WWOX: variants seen among roughly 807,000 people sequenced by gnomAD.
WWOX encodes WW domain-containing oxidoreductase.
A neutral mutation model predicts 46.2 loss-of-function variants in WWOX; 69 were observed. The observed-to-expected ratio is 1.49, with a 90% CI of 1.23 to 1.82. The LOEUF (loss-of-function observed/expected upper bound fraction) is 1.82. WWOX is among the 40% of genes most tolerant of loss of function. The probability of loss-of-function intolerance (pLI) is 0.00; values close to 1 mark genes in which losing one functional copy is unlikely to be tolerated. For missense variants in WWOX, 919 were observed against 542.6 expected, an observed-to-expected ratio of 1.69 and a Z score of -6.89; for synonymous variants, 359 against 202.6, an observed-to-expected ratio of 1.77 and a Z score of -6.56.
intron 8 of WWOX, among the ~76,000 whole-genome samples, chr16:78,544,851 C>T (rs930759196): frequency 3.3e-5 from 5 of 151,940 alleles, no homozygotes; most frequent in Admixed American, 6.6e-5. Flanking sequence ...CTCTAGCATG[C>T]GTGACAGAGT....
intron 8 of WWOX, among the ~76,000 whole-genome samples, chr16:78,946,952 A>T (rs989206770): frequency 1.3e-5 from 2 of 152,166 alleles, no homozygotes; most frequent in Non-Finnish European, 2.9e-5. Flanking sequence ...ATAAAGCTTT[A>T]GGAGTTGGTA....
intron 8 of WWOX, among the ~76,000 whole-genome samples, chr16:78,885,766 A>C (rs946223557): frequency 3.3e-5 from 5 of 151,932 alleles, no homozygotes; most frequent in African/African-American, 1.2e-4. Context: ...TGATAGTTTG[A>C]TTTACCTAAT....
intron 4 of WWOX, among the ~76,000 whole-genome samples, chr16:78,126,373 A>G (rs2033362037): frequency 6.6e-6 from 1 of 152,248 alleles, no homozygotes; most frequent in Non-Finnish European, 1.5e-5. Flanking sequence ...TTTGCCCAGC[A>G]TCCTTGCCAA....
At chr16:78,793,295 A>T (rs940190767) in intron 8 of WWOX, among the ~76,000 whole-genome samples, 2 of 152,304 alleles carry the variant, frequency 1.3e-5, no homozygotes, top group East Asian at 3.9e-4. Flanking sequence ...TCCTGGGCTC[A>T]GGAGATCTGC....
chr16:78,545,651 C>T (rs551748991), intron 8 of WWOX, among the ~76,000 whole-genome samples: 2 of 152,188 alleles, frequency 1.3e-5, no homozygotes, highest in African/African-American at 2.4e-5. Context: ...GAAACAGGCA[C>T]CGTGTTCATT....
chr16:78,928,546 A>C (rs1358522442), intron 8 of WWOX, among the ~76,000 whole-genome samples: 1 of 152,086 alleles, frequency 6.6e-6, no homozygotes, highest in African/African-American at 2.4e-5. Flanking sequence ...TGAAGTGAAT[A>C]CTGATTTTTC....
intron 5 of WWOX, among the ~76,000 whole-genome samples, chr16:78,174,998 G>GTAATAATAATAATAA (rs368742234): frequency 1.1e-4 from 15 of 140,868 alleles, no homozygotes; most frequent in South Asian, 2.3e-4. Flanking sequence ...AAAAATAATA[G>GTAATAATAATAATAA]TAATAATAAT....
chr16:79,165,654 T>C (rs1253298410), intron 8 of WWOX, among the ~76,000 whole-genome samples: 2 of 152,162 alleles, frequency 1.3e-5, no homozygotes, highest in Non-Finnish European at 2.9e-5. Context: ...TGCCTACAGC[T>C]GGTTTTACGC....
intron 2 of WWOX, 128 bp from the exon 3 acceptor site, chr16:78,109,650 G>A: frequency 1.2e-6 from 1 of 860,802 alleles, no homozygotes; most frequent in South Asian, 1.4e-5. Context: ...AAAGCCAGTT[G>A]ATGTGACAAC....
intron 8 of WWOX, among the ~76,000 whole-genome samples, chr16:78,437,078 G>T (rs1463395281): frequency 3.3e-5 from 5 of 152,184 alleles, no homozygotes; most frequent in African/African-American, 1.2e-4. Context: ...TCTGACACGG[G>T]TATTGCTGGA....
chr16:78,838,027 A>C (rs72802805), intron 8 of WWOX, among the ~76,000 whole-genome samples: 6,392 of 152,238 alleles, frequency 0.042, 176 homozygotes, highest in Non-Finnish European at 0.061. Flanking sequence ...TCTCATTTTG[A>C]GAAAGACTGG....
At chr16:78,207,199 A>G (rs1283933261) in intron 5 of WWOX, among the ~76,000 whole-genome samples, 2 of 152,176 alleles carry the variant, frequency 1.3e-5, no homozygotes, top group Admixed American at 1.3e-4. Flanking sequence ...ACCCACATGG[A>G]CCTACTCTAT....
intron 8 of WWOX, among the ~76,000 whole-genome samples, chr16:79,048,805 G>C (rs2048112876): frequency 6.6e-6 from 1 of 152,136 alleles, no homozygotes; most frequent in South Asian, 2.1e-4. Context: ...AAATTCAAGT[G>C]CCACACAGTG....
intron 8 of WWOX, among the ~76,000 whole-genome samples, chr16:78,735,718 T>C (rs905525493): frequency 6.6e-6 from 1 of 152,194 alleles, no homozygotes; most frequent in African/African-American, 2.4e-5. Flanking sequence ...GTACTAGTTC[T>C]ATGTCAATGA....
intron 8 of WWOX, among the ~76,000 whole-genome samples, chr16:78,558,364 A>C (rs1188977269): frequency 1.3e-5 from 2 of 152,230 alleles, no homozygotes; most frequent in Non-Finnish European, 2.9e-5. Flanking sequence ...TAATGAAATA[A>C]ATTAGCTGTG....
chr16:78,472,039 G>T (rs374109104), intron 8 of WWOX, among the ~76,000 whole-genome samples: 10 of 152,198 alleles, frequency 6.6e-5, no homozygotes, highest in African/African-American at 2.4e-4. Context: ...TTCTGGTTAG[G>T]TGTTATGATG....
intron 4 of WWOX, among the ~76,000 whole-genome samples, chr16:78,140,168 T>C (rs985748256): frequency 6.6e-6 from 1 of 152,044 alleles, no homozygotes; most frequent in African/African-American, 2.4e-5. Context: ...GTAAAAATGG[T>C]TTGAGTAAAA....
intron 5 of WWOX, among the ~76,000 whole-genome samples, chr16:78,287,973 G>A (rs912259149): frequency 2.2e-4 from 34 of 152,116 alleles, no homozygotes; most frequent in African/African-American, 8.2e-4. Context: ...GATTTTTAGA[G>A]TGAAGCAGTT....
chr16:78,689,912 G>A (rs1245238044), intron 8 of WWOX, among the ~76,000 whole-genome samples: 1 of 152,104 alleles, frequency 6.6e-6, no homozygotes, highest in Non-Finnish European at 1.5e-5. Flanking sequence ...CCAGGCTGCA[G>A]TGCAGTGATG....
Sources: allele counts gnomAD v4.1 joint callset (sites outside exome capture counted in the v4.1 genomes callset), GRCh38; gene constraint gnomAD v4.1.1; transcripts MANE v1.5; gene names NCBI Gene and HGNC (gene_info 2026-07-23, HGNC 2026-07-21).